The following MYO1E variants were observed in gnomAD, a reference collection of about 807,000 sequenced individuals.
The protein encoded by MYO1E is myosin IE, also known as unconventional myosin-Ie.
A neutral mutation model predicts 151.1 loss-of-function variants in MYO1E; 68 were observed. The observed-to-expected ratio is 0.45, with a 90% CI of 0.37 to 0.55. The LOEUF (loss-of-function observed/expected upper bound fraction) is 0.55, where lower values mean the gene tolerates loss of function less well. MYO1E is among the 20% of genes least tolerant of loss of function. MYO1E has a pLI of 0.00. For synonymous variants in MYO1E, 601 were observed against 501.7 expected, an observed-to-expected ratio of 1.20 and a Z score of -2.64; for missense variants, 1,363 against 1,389.3, an observed-to-expected ratio of 0.98 and a Z score of 0.30.
intron 12 of MYO1E, among the ~76,000 whole-genome samples, chr15:59,213,202 GCT>G (rs2079891948): frequency 6.7e-6 from 1 of 150,184 alleles, no homozygotes; most frequent in Non-Finnish European, 1.5e-5. Context: ...ACGAAGTCTC[GCT>G]CTGTCGCCAA....
chr15:59,308,222 CAAAAAAAAAA>C (rs1189618865), intron 1 of MYO1E, among the ~76,000 whole-genome samples: 81 of 48,522 alleles, frequency 1.7e-3, no homozygotes, highest in African/African-American at 6.0e-3. Flanking sequence ...GACTCTGTCT[CAAAAAAAAAA>C]AAAAAAAAAA....
intron 12 of MYO1E, 56 bp from the exon 13 acceptor site, chr15:59,210,656 C>A (rs984959439): frequency 8.0e-7 from 1 of 1,252,516 alleles, no homozygotes; most frequent in East Asian, 2.3e-5. Context: ...GAGCTCTGCA[C>A]GGACAGACCC....
At chr15:59,244,192 G>C (rs1312591981) in intron 4 of MYO1E, among the ~76,000 whole-genome samples, 1 of 152,218 alleles carries the variant, frequency 6.6e-6, no homozygotes, top group Non-Finnish European at 1.5e-5. Context: ...AATTGGTGTT[G>C]TCAAGCAAAC....
At position 59,234,416 on chromosome 15, in the gene MYO1E, C is replaced by T. The variant is rs111232877; in HGVS notation, c.420+2169G>A. 3.4e-3 allele frequency among the ~76,000 whole-genome samples: 521 copies of T among 152,214 alleles called. 1 individual carries two copies. Among genetic ancestry groups the T allele is most frequent in the African/African-American group, 0.012 (491 of 41,578 alleles). On this transcript the variant is annotated intron_variant, in intron 5 of 27. Coordinates refer to ENST00000288235, the MANE Select transcript of MYO1E (RefSeq NM_004998.4). ...CTGTCGTTAAATGGTATAGGCACGT[C>T]TGGCCCGCAAACAAAAGATAGAAAG... is the stretch of plus-strand genomic sequence containing the variant.
intron 1 of MYO1E, among the ~76,000 whole-genome samples, chr15:59,319,329 A>C (rs1596415273): frequency 2.0e-5 from 3 of 152,026 alleles, no homozygotes; most frequent in Admixed American, 2.0e-4. Flanking sequence ...AAAAAAAGAA[A>C]ATTTAGTTCA....
intron 9 of MYO1E, among the ~76,000 whole-genome samples, chr15:59,219,945 TCA>T (rs1482682871): frequency 6.6e-6 from 1 of 152,222 alleles, no homozygotes; most frequent in Non-Finnish European, 1.5e-5. Flanking sequence ...TGCATTCATC[TCA>T]CAGAGTTGCA....
chr15:59,365,849 G>T (rs12050546), intron 1 of MYO1E, among the ~76,000 whole-genome samples: 24,444 of 152,114 alleles, frequency 0.16, 2,408 homozygotes, highest in East Asian at 0.29. Context: ...CGCCTTTGAG[G>T]CACAATGTAA....
At chr15:59,252,667 A>T (rs2080171784) in intron 4 of MYO1E, among the ~76,000 whole-genome samples, 1 of 151,544 alleles carries the variant, frequency 6.6e-6, no homozygotes, top group South Asian at 2.1e-4. Context: ...ATGAGCCAAG[A>T]TCGTGCCACT....
At chr15:59,307,669 G>A (rs1032711137) in intron 1 of MYO1E, among the ~76,000 whole-genome samples, 7 of 152,032 alleles carry the variant, frequency 4.6e-5, no homozygotes, top group South Asian at 2.1e-4. Flanking sequence ...GGAGTGCAAC[G>A]GCGCGATCTT....
At chr15:59,209,848 G>A (rs1368036539) in intron 13 of MYO1E, among the ~76,000 whole-genome samples, 1 of 15,000 alleles carries the variant, frequency 6.7e-5, no homozygotes, top group African/African-American at 2.4e-4. Context: ...TTTTTTTTTT[G>A]AGACATGGTC....
chr15:59,324,673 C>CCG lies in MYO1E; in HGVS notation c.3+47824_3+47825insCG, dbSNP rs1491466100. Among the ~76,000 whole-genome samples the CCG allele has an allele frequency of 2.2e-3, 321 of 147,134 alleles. 3 individuals are homozygous for CCG. The highest frequency in any genetic ancestry group is 5.4e-3 in the African/African-American group (216 of 39,988). On this transcript the variant is annotated intron_variant, in intron 1 of 27. Coordinates refer to ENST00000288235, the MANE Select transcript of MYO1E (RefSeq NM_004998.4). ...TTATCCCCATCCCAAGCCCCCCCCC[C>CCG]ACAGAGGGCAGCATACAGCAGAGCC...
At chr15:59,308,084 G>A (rs2080525916) in intron 1 of MYO1E, among the ~76,000 whole-genome samples, 1 of 151,078 alleles carries the variant, frequency 6.6e-6, no homozygotes, top group Admixed American at 6.6e-5. Context: ...TTAGCCGGAT[G>A]TGGTGGCATG....
At chr15:59,270,647 T>C (rs1236038958) in intron 2 of MYO1E, among the ~76,000 whole-genome samples, 1 of 151,876 alleles carries the variant, frequency 6.6e-6, no homozygotes. Flanking sequence ...AAATTCACTT[T>C]TTTTTTTTGG....
Position 59,136,690 on chromosome 15 carries a change from C to T in MYO1E, c.*690G>A. 2 of 456,416 alleles carry T rather than the reference C, an allele frequency of 4.4e-6. No individual in the cohort carries two copies. The highest frequency in any genetic ancestry group is 8.8e-6 in the Non-Finnish European group (2 of 226,776). The allele number at this position is 456,416 out of a possible 1,614,324, so 28.3% of individuals were successfully genotyped here. On this transcript the variant is annotated 3_prime_UTR_variant, in exon 28 of 28. Transcript: ENST00000288235. ...TCTTGTAGTAAGTACAGCATTTAAACACAAACCAATATGGGCCAGCCACAT... is the reference window on the plus strand; with the variant it reads ...TCTTGTAGTAAGTACAGCATTTAAATACAAACCAATATGGGCCAGCCACAT...
At chr15:59,221,273 G>A (rs1028112567) in intron 9 of MYO1E, among the ~76,000 whole-genome samples, 1 of 151,838 alleles carries the variant, frequency 6.6e-6, no homozygotes, top group African/African-American at 2.4e-5. Flanking sequence ...GCCTCCTGAA[G>A]TGCTGGGATT....
At chr15:59,148,748 T>C (rs1473560847) in intron 26 of MYO1E, among the ~76,000 whole-genome samples, 1 of 152,220 alleles carries the variant, frequency 6.6e-6, no homozygotes, top group African/African-American at 2.4e-5. Flanking sequence ...AATATTTCTA[T>C]TGACCCCTCC....
intron 2 of MYO1E, among the ~76,000 whole-genome samples, chr15:59,266,512 G>T (rs1323332337): frequency 6.6e-6 from 1 of 152,066 alleles, no homozygotes; most frequent in Non-Finnish European, 1.5e-5. Flanking sequence ...ACAATGCACT[G>T]AATTTTTCAT....
Position 59,256,294 on chromosome 15 carries a change from C to G in MYO1E, c.322G>C (p.Val108Leu), listed in dbSNP as rs748736002. Residue 108 changes from valine (V) to leucine (L), a missense_variant, in exon 4 of 28, where the codon GTC (valine) becomes CTC (leucine). Physicochemically the swap from Val to Leu is conservative, Grantham distance 32 (BLOSUM62 1). Coordinates refer to ENST00000288235, the MANE Select transcript of MYO1E (RefSeq NM_004998.4). ...NMIIDRENQCVIISGESGAGK... is the reference protein window; with the variant it reads ...NMIIDRENQCLIISGESGAGK... The stretch of plus-strand genomic sequence containing the variant: ...GGATCTTCTTCATACCTGATAATGA[C>G]GCACTGGTTCTCTCTGTCAATGATC... The G allele has an allele frequency of 6.3e-7, 1 of 1,597,628 alleles. No individual in the cohort carries two copies.
intron 3 of MYO1E, among the ~76,000 whole-genome samples, chr15:59,258,176 G>C (rs1234241479): frequency 6.6e-6 from 1 of 152,110 alleles, no homozygotes; most frequent in Non-Finnish European, 1.5e-5. Context: ...GCAAAACCCA[G>C]TATCTACTAA....
Sources: gnomAD v4.1 joint callset for allele counts (sites outside exome capture counted in the v4.1 genomes callset) on GRCh38, gnomAD v4.1.1 for gene constraint, MANE v1.5 for transcripts, NCBI Gene and HGNC (gene_info 2026-07-23, HGNC 2026-07-21) for gene names.